Variants in NWD1 observed in about 807,000 individuals in gnomAD.
NWD1 encodes the protein NACHT domain- and WD repeat-containing protein 1.
Under a neutral mutation model 135.1 loss-of-function variants are expected in NWD1, and 129 were observed. The ratio of observed to expected loss-of-function variants is 0.96; its 90% CI spans 0.83 to 1.11. NWD1 has a LOEUF of 1.11. NWD1 is among the 50% of genes least tolerant of loss of function. The pLI, the probability that NWD1 is intolerant of heterozygous loss-of-function variation, is 0.00. For synonymous variants in NWD1, 773 were observed against 786.0 expected (o/e 0.98, Z 0.28); for missense variants, 1,740 against 1,851.3 (o/e 0.94, Z 1.10).
intron 10 of NWD1, among the ~76,000 whole-genome samples, chr19:16,771,247 TTTGAGACCAGCC>T (rs1366098658): frequency 6.6e-6 from 1 of 151,666 alleles, no homozygotes; most frequent in Non-Finnish European, 1.5e-5. Flanking sequence ...AGGCCAGGAG[TTTGAGACCAGCC>T]TTGGTGACAG....
Position 16,749,856 on chromosome 19 carries a change from A to G in NWD1, c.1214A>G (p.Gln405Arg), listed in dbSNP as rs1968491588. 3 of 1,612,996 alleles carry G rather than the reference A, an allele frequency of 1.9e-6. No individual in the cohort carries two copies. The South Asian group carries it at 3.3e-5, about 18-fold the overall frequency. Reference protein sequence around the residue: ...LAYGLPLPPAQVLDAHTRVVQ... With the variant: ...LAYGLPLPPARVLDAHTRVVQ... Reference sequence around the variant, plus strand: ...TATGGGCTGCCCTTGCCCCCTGCCCAGGTTCTGGACGCCCACACCAGGGTG... The same window carrying G: ...TATGGGCTGCCCTTGCCCCCTGCCCGGGTTCTGGACGCCCACACCAGGGTG... Residue 405 changes from glutamine to arginine, a missense_variant, in exon 6 of 19, where the codon CAG becomes CGG. Transcript: ENST00000524140.
In NWD1 at chr19:16,816,125, A is replaced by T. The variant is rs562242672; in HGVS notation, c.*1086A>T. Reference sequence around the variant, plus strand: ...GCTAGTGACTAATCTAGACACTTCCATGCACCTGGGTGAGCAGCAGGGAGA... The same window carrying T: ...GCTAGTGACTAATCTAGACACTTCCTTGCACCTGGGTGAGCAGCAGGGAGA... On this transcript the variant is annotated 3_prime_UTR_variant, in exon 19 of 19. Transcript: ENST00000524140. The T allele has an allele frequency of 6.6e-6, 1 of 152,334 alleles. No homozygotes were observed. The highest frequency in any genetic ancestry group is 2.1e-4 in the South Asian group (1 of 4,830). 9.4% of individuals were successfully genotyped at this position (152,334 alleles called of 1,614,324 possible). A position where few individuals can be genotyped will look rare whatever the true frequency, so the allele number is the denominator to read the frequency against.
At chr19:16,811,498 C>T (rs543761008) in intron 18 of NWD1, among the ~76,000 whole-genome samples, 33 of 150,192 alleles carry the variant, frequency 2.2e-4, no homozygotes, top group African/African-American at 7.6e-4. Flanking sequence ...GCAAGAGAAT[C>T]GCTTGAACCC....
chr19:16,769,702 T>G (rs1323097749), intron 10 of NWD1, among the ~76,000 whole-genome samples: 2 of 152,202 alleles, frequency 1.3e-5, no homozygotes, highest in Non-Finnish European at 2.9e-5. Flanking sequence ...GTGGCAACTT[T>G]GGAGCTCAGC....
intron 4 of NWD1, among the ~76,000 whole-genome samples, chr19:16,741,078 T>C (rs1490511980): frequency 6.6e-6 from 1 of 152,076 alleles, no homozygotes; most frequent in Non-Finnish European, 1.5e-5. Context: ...GAGAATCACT[T>C]GAATCTGGGA....
chr19:16,735,689 G>T (rs1234140714), intron 3 of NWD1, among the ~76,000 whole-genome samples: 1 of 151,900 alleles, frequency 6.6e-6, no homozygotes, highest in Non-Finnish European at 1.5e-5. Context: ...AATTAGCCAG[G>T]CATGGTGGTG....
At chr19:16,790,570 A>G (rs1970205100) in intron 13 of NWD1, among the ~76,000 whole-genome samples, 1 of 151,778 alleles carries the variant, frequency 6.6e-6, no homozygotes, top group African/African-American at 2.4e-5. Flanking sequence ...ACCATGGCAC[A>G]TGTATACCTA....
rs1331443336 is a variant in NWD1 at position 16,744,627 on chromosome 19, C to T, written c.405C>T (p.Ala135=). The T allele has an allele frequency of 4.6e-6, 7 of 1,535,038 alleles. No individual in the cohort carries two copies. The South Asian group carries it at 7.1e-5, about 16-fold the overall frequency. The change falls in exon 5 of 19, where the codon GCC becomes GCT. Residue 135 remains alanine, a synonymous_variant. Coordinates refer to ENST00000524140, the MANE Select transcript of NWD1 (RefSeq NM_001007525.5). ...GTGEACEPEE[A]TLTSVLRSGA... ...GGGAGGCCTGTGAACCAGAGGAGGC[C>T]ACCTTAACTTCTGTCCTACGCTCTG...
At chr19:16,770,056 G>C (rs1382012394) in intron 10 of NWD1, among the ~76,000 whole-genome samples, 1 of 152,098 alleles carries the variant, frequency 6.6e-6, no homozygotes, top group Non-Finnish European at 1.5e-5. Flanking sequence ...TCATCTGTCT[G>C]CCACATCAGA....
chr19:16,763,828 G>A lies in NWD1; in HGVS notation c.2134G>A (p.Val712Met). ...VGKPLNLDRK[V>M]APQPLWFSHT... Reference sequence around the variant, plus strand: ...TGCAGTCTCCCTTCTCCTCTGCCAGGTGGCCCCGCAGCCTCTGTGGTTCTC... The same window carrying A: ...TGCAGTCTCCCTTCTCCTCTGCCAGATGGCCCCGCAGCCTCTGTGGTTCTC... The change falls in exon 9 of 19, where the codon GTG (valine) becomes ATG (methionine). Residue 712 changes from valine to methionine, a missense_variant and splice_region_variant. Transcript: ENST00000524140. 2 of 1,607,468 alleles carry A rather than the reference G, an allele frequency of 1.2e-6. No individual in the cohort carries two copies. The highest frequency in any genetic ancestry group is 1.7e-6 in the Non-Finnish European group (2 of 1,174,102).
chr19:16,734,555 C>CT (rs1315976486), intron 3 of NWD1, among the ~76,000 whole-genome samples: 1 of 130,186 alleles, frequency 7.7e-6, no homozygotes, highest in African/African-American at 3.1e-5. Context: ...AAAAGATTTT[C>CT]TTTCTTTTTT....
intron 12 of NWD1, among the ~76,000 whole-genome samples, chr19:16,788,348 C>T (rs1031130570): frequency 9.3e-5 from 14 of 149,782 alleles, no homozygotes; most frequent in South Asian, 4.2e-4. Context: ...GTGGGTGGAT[C>T]GCTTGAGGCC....
intron 13 of NWD1, among the ~76,000 whole-genome samples, chr19:16,789,606 T>G (rs1970171601): frequency 6.6e-6 from 1 of 152,130 alleles, no homozygotes; most frequent in Non-Finnish European, 1.5e-5. Flanking sequence ...GAGGAATTTC[T>G]GGATAGGGTC....
intron 10 of NWD1, among the ~76,000 whole-genome samples, chr19:16,765,785 G>A (rs1165162455): frequency 1.3e-5 from 2 of 152,156 alleles, no homozygotes; most frequent in East Asian, 1.9e-4. Context: ...CTGGGAAGCC[G>A]AGGCAGGCAG....
At chr19:16,738,141 A>G (rs767715901) in intron 4 of NWD1, 53 of 408,626 alleles carry the variant, frequency 1.3e-4, no homozygotes, top group Admixed American at 2.7e-4. Context: ...CCCTGCTTTC[A>G]AGCTATAATG....
rs112223594 is a variant in NWD1 at position 16,754,790 on chromosome 19, TCATC to T, written c.1769+4406_1770-4405del. On this transcript the variant is annotated intron_variant, in intron 6 of 18. Coordinates refer to ENST00000524140, the MANE Select transcript of NWD1 (RefSeq NM_001007525.5). Reference sequence around the variant, plus strand: ...TCCATCCACCCACCTATCATCTCTATCATCCATCCATCCATCCATCCATCCATCC... The same window carrying T: ...TCCATCCACCCACCTATCATCTCTATCATCCATCCATCCATCCATCCATCC... 3.7e-3 allele frequency among the ~76,000 whole-genome samples: 540 copies of T among 145,360 alleles called. 5 individuals are homozygous for T. The highest frequency in any genetic ancestry group is 4.7e-3 in the Non-Finnish European group (311 of 65,858).
chr19:16,791,865 C>G (rs965548561), intron 14 of NWD1, among the ~76,000 whole-genome samples: 1 of 152,146 alleles, frequency 6.6e-6, no homozygotes, highest in Non-Finnish European at 1.5e-5. Context: ...CAGGCAAGTG[C>G]CACCACGCCT....
chr19:16,730,558 T>A (rs1967517311), intron 2 of NWD1, among the ~76,000 whole-genome samples: 1 of 151,212 alleles, frequency 6.6e-6, no homozygotes, highest in African/African-American at 2.4e-5. Flanking sequence ...TACAAAAAAT[T>A]TAAAAAAATA....
At chr19:16,797,913 C>T (rs1970474771) in intron 16 of NWD1, 27 bp downstream of exon 16, 2 of 1,592,814 alleles carry the variant, frequency 1.3e-6, no homozygotes, top group African/African-American at 1.3e-5. Context: ...GACCCTTCAT[C>T]CTCACCTCCA....
Sources: allele counts gnomAD v4.1 joint callset (sites outside exome capture counted in the v4.1 genomes callset), GRCh38; gene constraint gnomAD v4.1.1; transcripts MANE v1.5; gene names NCBI Gene and HGNC (gene_info 2026-07-23, HGNC 2026-07-21).